BAIAP2: variants seen among roughly 807,000 people sequenced by gnomAD.
The protein encoded by BAIAP2 is BAR/IMD domain-containing adapter protein 2.
BAIAP2 carries 18 observed loss-of-function variants against 63.0 expected under a neutral mutation model. The ratio of observed to expected loss-of-function variants is 0.29; its 90% CI spans 0.20 to 0.42. The LOEUF (loss-of-function observed/expected upper bound fraction) is 0.42, where lower values mean the gene tolerates loss of function less well. Ranked by LOEUF, BAIAP2 falls within the 10% of genes least tolerant of loss-of-function variation. The probability of loss-of-function intolerance (pLI) is 1.00; values close to 1 mark genes in which losing one functional copy is unlikely to be tolerated. For missense variants in BAIAP2, 610 were observed against 734.3 expected (o/e 0.83, Z 1.96); for synonymous variants, 386 against 307.6 (o/e 1.25, Z -2.67).
Position 81,057,971 on chromosome 17 carries a change from A to AGGGGGGGGGGGGGGGGGGGG in BAIAP2, c.217+5_217+6insGGGGGGGGGGGGGGGGGGGG. On this transcript the variant is annotated splice_donor_region_variant and intron_variant, in intron 3 of 13. Coordinates refer to ENST00000428708, the MANE Select transcript of BAIAP2 (RefSeq NM_001144888.2). ...AGCCAGGGCTCCAAAGAACTCGGTG[A>AGGGGGGGGGGGGGGGGGGGG]GACCCCCCCCCCCCCCCCGCCTGGT... 1.1e-5 allele frequency: 7 copies of AGGGGGGGGGGGGGGGGGGGG among 664,796 alleles called. No homozygotes were observed. Among genetic ancestry groups the AGGGGGGGGGGGGGGGGGGGG allele is most frequent in the Non-Finnish European group, 1.1e-5 (5 of 462,412 alleles). 41.2% of individuals were successfully genotyped at this position (664,796 alleles called of 1,614,324 possible). A position where few individuals can be genotyped will look rare whatever the true frequency, so the allele number is the denominator to read the frequency against.
intron 6 of BAIAP2, among the ~76,000 whole-genome samples, chr17:81,088,577 A>G (rs1348370243): frequency 6.6e-6 from 1 of 152,200 alleles, no homozygotes; most frequent in Non-Finnish European, 1.5e-5. Flanking sequence ...CCTGTTATGG[A>G]CATTCTGCGT....
rs1277998461 is a variant in BAIAP2, at chr17:81,108,718, A to G, written c.1535+209A>G. The G allele has an allele frequency of 7.0e-6, 6 of 851,784 alleles. No individual in the cohort carries two copies. In the East Asian group the frequency reaches 1.6e-4, roughly 23 times the overall value. The allele number at this position is 851,784 out of a possible 1,614,324, so 52.8% of individuals were successfully genotyped here. A position where few individuals can be genotyped will look rare whatever the true frequency, so the allele number is the denominator to read the frequency against. On this transcript the variant is annotated intron_variant, in intron 13 of 13. Transcript: ENST00000428708. Reference sequence around the variant, plus strand: ...CCCCCCTGGGCCCTGCCCCTCTTTCATCGCATCTGGCCGGCCCCATCCATC... The same window carrying G: ...CCCCCCTGGGCCCTGCCCCTCTTTCGTCGCATCTGGCCGGCCCCATCCATC...
At chr17:81,069,424 A>G (rs1302341161) in intron 3 of BAIAP2, among the ~76,000 whole-genome samples, 1 of 151,912 alleles carries the variant, frequency 6.6e-6, no homozygotes, top group African/African-American at 2.4e-5. Context: ...GGCCCCTGGC[A>G]AGGTGGTCAG....
At position 81,116,537 on chromosome 17, in the gene BAIAP2, C is replaced by T. The variant is rs1384906637; in HGVS notation, c.*698C>T. Reference sequence around the variant, plus strand: ...GGGCCTCCCAGCTCGCTCCTGCGGCCAAAGGCCAGCTGTCAGGTGCTATGC... The same window carrying T: ...GGGCCTCCCAGCTCGCTCCTGCGGCTAAAGGCCAGCTGTCAGGTGCTATGC... On this transcript the variant is annotated 3_prime_UTR_variant, in exon 14 of 14. Transcript: ENST00000428708. 1 of 594,276 alleles carries T rather than the reference C, an allele frequency of 1.7e-6. No individual in the cohort carries two copies. Among genetic ancestry groups the T allele is most frequent in the African/African-American group, 1.9e-5 (1 of 53,564 alleles). 36.8% of individuals were successfully genotyped at this position (594,276 alleles called of 1,614,324 possible).
At chr17:81,105,124 G>C (rs1343590777) in intron 10 of BAIAP2, 21 of 148,804 alleles carry the variant, frequency 1.4e-4, no homozygotes, top group South Asian at 7.5e-4. Flanking sequence ...GCAGGGGTCT[G>C]CCCCATGGCA....
chr17:81,072,745 C>G (rs1428694232), intron 3 of BAIAP2, among the ~76,000 whole-genome samples: 2 of 152,010 alleles, frequency 1.3e-5, no homozygotes, highest in Non-Finnish European at 2.9e-5. Context: ...TTTTTCCTGA[C>G]CTCTTCGCCC....
intron 7 of BAIAP2, among the ~76,000 whole-genome samples, chr17:81,100,880 A>G (rs2058389777): frequency 6.6e-6 from 1 of 151,762 alleles, no homozygotes; most frequent in African/African-American, 2.4e-5. Context: ...CTGTGCCTCT[A>G]CCACCTCTGC....
At chr17:81,071,364 G>A (rs1022712572) in intron 3 of BAIAP2, among the ~76,000 whole-genome samples, 2 of 152,144 alleles carry the variant, frequency 1.3e-5, no homozygotes, top group Non-Finnish European at 2.9e-5. Flanking sequence ...CGTGATGAGG[G>A]CGCTCTGTTC....
At chr17:81,039,509 G>C (rs1298966369) in intron 1 of BAIAP2, among the ~76,000 whole-genome samples, 1 of 152,216 alleles carries the variant, frequency 6.6e-6, no homozygotes, top group African/African-American at 2.4e-5. Flanking sequence ...TTGGGGGAGA[G>C]TGTCCTGCCC....
chr17:81,086,417 T>G, intron 5 of BAIAP2, 26 bp from the exon 6 acceptor site: 1 of 1,611,498 alleles, frequency 6.2e-7, no homozygotes, highest in Middle Eastern at 1.7e-4. Context: ...GGGCCTTGGT[T>G]TTGTGTTTTA....
At chr17:81,113,322 A>G (rs1450649802) in intron 13 of BAIAP2, among the ~76,000 whole-genome samples, 1 of 152,214 alleles carries the variant, frequency 6.6e-6, no homozygotes, top group African/African-American at 2.4e-5. Context: ...ATCGCTGCCC[A>G]GGGCCATGTC....
intron 3 of BAIAP2, among the ~76,000 whole-genome samples, chr17:81,081,037 T>G (rs2054516481): frequency 6.6e-6 from 1 of 152,130 alleles, no homozygotes; most frequent in South Asian, 2.1e-4. Flanking sequence ...GGCACAGGCT[T>G]GGGTGGGTTC....
At chr17:81,099,817 C>T in intron 6 of BAIAP2, 111 bp from the exon 7 acceptor site, 1 of 1,270,108 alleles carries the variant, frequency 7.9e-7, no homozygotes, top group Non-Finnish European at 1.1e-6. Context: ...TTTCCAGCTG[C>T]TCTGCATGAA....
At chr17:81,043,195 G>A (rs566531661) in intron 1 of BAIAP2, among the ~76,000 whole-genome samples, 2 of 152,324 alleles carry the variant, frequency 1.3e-5, no homozygotes, top group South Asian at 4.1e-4. Flanking sequence ...CAGTGGGTGT[G>A]GTGGAGGCCG....
chr17:81,045,172 G>A (rs1374207751), intron 1 of BAIAP2, among the ~76,000 whole-genome samples: 1 of 152,202 alleles, frequency 6.6e-6, no homozygotes, highest in Non-Finnish European at 1.5e-5. Flanking sequence ...TTGGGACCTC[G>A]TTCAGGAGGG....
At chr17:81,052,763 C>G (rs1319975522) in intron 1 of BAIAP2, among the ~76,000 whole-genome samples, 1 of 152,072 alleles carries the variant, frequency 6.6e-6, no homozygotes, top group Non-Finnish European at 1.5e-5. Context: ...TCCCCACTCT[C>G]TAGCCCACAG....
intron 3 of BAIAP2, among the ~76,000 whole-genome samples, chr17:81,069,526 C>G (rs1314612597): frequency 6.6e-6 from 1 of 152,238 alleles, no homozygotes; most frequent in Non-Finnish European, 1.5e-5. Flanking sequence ...CTCTGGGCAG[C>G]TGGGGTCCAG....
At chr17:81,044,907 C>G (rs62072962) in intron 1 of BAIAP2, among the ~76,000 whole-genome samples, 2 of 152,172 alleles carry the variant, frequency 1.3e-5, no homozygotes, top group East Asian at 1.9e-4. Flanking sequence ...CCGGACACCC[C>G]GTGAGGCTGA....
chr17:81,074,772 A>G (rs115084038), intron 3 of BAIAP2, among the ~76,000 whole-genome samples: 1,824 of 151,328 alleles, frequency 0.012, 35 homozygotes, highest in African/African-American at 0.042. Flanking sequence ...ACGGATGCAT[A>G]AGTGCCTGTG....
Sources: gnomAD v4.1 joint callset for allele counts (sites outside exome capture counted in the v4.1 genomes callset) on GRCh38, gnomAD v4.1.1 for gene constraint, MANE v1.5 for transcripts, NCBI Gene and HGNC (gene_info 2026-07-23, HGNC 2026-07-21) for gene names.